Variants in RTN4 observed in about 807,000 individuals in gnomAD.
RTN4 encodes reticulon 4.
In RTN4, 32 loss-of-function variants were observed where a neutral mutation model predicts 90.4. The ratio of observed to expected loss-of-function variants is 0.35; its 90% confidence interval spans 0.27 to 0.48. The LOEUF is 0.48. Among genes scored for constraint, RTN4 ranks in the 20% least tolerant of loss-of-function variants. RTN4 has a pLI of 0.99. For synonymous variants in RTN4, 629 were observed against 552.5 expected (o/e 1.14, Z -1.94); for missense variants, 1,706 against 1,430.2 (o/e 1.19, Z -3.11).
At chr2:55,113,009 G>T (rs1668065278), upstream of RTN4, among the ~76,000 whole-genome samples, 1 of 152,216 alleles carries the variant, frequency 6.6e-6, no homozygotes, top group Non-Finnish European at 1.5e-5. Context: ...ATCAACGTGA[G>T]CAACTGGGAG....
At chr2:55,073,827 A>G (rs1172641570) in intron 2 of RTN4, among the ~76,000 whole-genome samples, 1 of 152,186 alleles carries the variant, frequency 6.6e-6, no homozygotes, top group African/African-American at 2.4e-5. Context: ...AGGCAAAGAG[A>G]CGTATAAACT....
At chr2:55,070,966 T>C (rs962354218) in intron 2 of RTN4, among the ~76,000 whole-genome samples, 3 of 151,796 alleles carry the variant, frequency 2.0e-5, no homozygotes, top group Non-Finnish European at 2.9e-5. Flanking sequence ...TTATTAGAGA[T>C]GGGGTTTCAC....
At chr2:55,029,572 A>G (rs1682155775) in intron 1 of RTN4, among the ~76,000 whole-genome samples, 1 of 152,204 alleles carries the variant, frequency 6.6e-6, no homozygotes, top group African/African-American at 2.4e-5. Flanking sequence ...AACAGATAAA[A>G]ATCCAAGAAA....
chr2:54,974,605 T>C (rs1418734670), intron 6 of RTN4, 90 bp downstream of exon 6: 1 of 1,094,930 alleles, frequency 9.1e-7, no homozygotes. Context: ...CTACTTTTCA[T>C]ACAATGAGAA....
At chr2:54,989,227 G>C (rs368735168) in intron 3 of RTN4, among the ~76,000 whole-genome samples, 2 of 152,182 alleles carry the variant, frequency 1.3e-5, no homozygotes, top group Non-Finnish European at 2.9e-5. Flanking sequence ...GCCCATCACT[G>C]TGTCCAGTAC....
At chr2:55,113,188 C>G (rs1028811920), upstream of RTN4, among the ~76,000 whole-genome samples, 3 of 152,188 alleles carry the variant, frequency 2.0e-5, no homozygotes, top group Non-Finnish European at 2.9e-5. Flanking sequence ...CAAAAGAAGC[C>G]CTCTCCTTTC....
At chr2:55,040,257 A>G (rs1200742109) in intron 1 of RTN4, among the ~76,000 whole-genome samples, 2 of 152,232 alleles carry the variant, frequency 1.3e-5, no homozygotes, top group Non-Finnish European at 2.9e-5. Context: ...TCAGAATTTG[A>G]TAAAATAAAA....
chr2:55,101,072 T>C (rs548238004), intron 1 of RTN4, among the ~76,000 whole-genome samples: 2 of 152,150 alleles, frequency 1.3e-5, no homozygotes, highest in East Asian at 1.9e-4. Context: ...AATCTTGACA[T>C]AGAAACATGA....
At chr2:55,015,164 T>C (rs1231335305) in intron 3 of RTN4, among the ~76,000 whole-genome samples, 1 of 152,096 alleles carries the variant, frequency 6.6e-6, no homozygotes, top group Non-Finnish European at 1.5e-5. Flanking sequence ...ACACCCGTAG[T>C]CTACAGTTGA....
chr2:55,083,133 A>G (rs1490585112), intron 1 of RTN4, among the ~76,000 whole-genome samples: 1 of 152,262 alleles, frequency 6.6e-6, no homozygotes, highest in African/African-American at 2.4e-5. Flanking sequence ...ATATGCAGCC[A>G]TTAAAAGTGA....
At chr2:55,091,983 T>C (rs1220538530) in intron 1 of RTN4, among the ~76,000 whole-genome samples, 1 of 152,032 alleles carries the variant, frequency 6.6e-6, no homozygotes. Context: ...TCCCACAACA[T>C]GTGGGAATTC....
intron 2 of RTN4, among the ~76,000 whole-genome samples, chr2:55,064,707 G>A (rs1400507368): frequency 1.3e-5 from 2 of 152,140 alleles, no homozygotes; most frequent in South Asian, 4.2e-4. Flanking sequence ...CAAAAATACC[G>A]AGACTGTGAA....
intron 1 of RTN4, among the ~76,000 whole-genome samples, chr2:55,108,669 C>T (rs573102897): frequency 1.2e-4 from 18 of 152,238 alleles, no homozygotes; most frequent in Non-Finnish European, 2.1e-4. Flanking sequence ...TTACCCACCT[C>T]TCCTCTCTTA....
intron 1 of RTN4, among the ~76,000 whole-genome samples, chr2:55,092,344 T>C (rs1668954810): frequency 6.6e-6 from 1 of 151,704 alleles, no homozygotes; most frequent in African/African-American, 2.4e-5. Flanking sequence ...CAAGCAATTC[T>C]CCTGCCTCAG....
At chr2:54,994,112 G>A (rs1163050783) in intron 3 of RTN4, among the ~76,000 whole-genome samples, 1 of 152,214 alleles carries the variant, frequency 6.6e-6, no homozygotes, top group Non-Finnish European at 1.5e-5. Flanking sequence ...TAGGAGGAAT[G>A]TATAGAACTT....
chr2:55,050,197 TCCTCGTCCTCGGGCTC>T lies in RTN4; in HGVS notation c.88_103del (p.Glu30ArgfsTer44). The T allele has an allele frequency of 1.3e-6, 2 of 1,569,934 alleles. No individual in the cohort carries two copies. The highest frequency in any genetic ancestry group is 8.6e-7 in the Non-Finnish European group (1 of 1,162,576). On this transcript the variant is annotated frameshift_variant, in exon 1 of 9. Coordinates refer to ENST00000337526, the MANE Select transcript of RTN4 (RefSeq NM_020532.5). LOFTEE classifies it high-confidence loss of function. This position sits in a 1 kb window ranked among gnomAD's most constrained non-coding sequence, Gnocchi z 4.6. Reference sequence around the variant, plus strand: ...CTCCTCTTCCTCCTCCTCTTCTTCCTCCTCGTCCTCGGGCTCCCTCACGAACTGGTACTTGAACGCG... The same window carrying T: ...CTCCTCTTCCTCCTCCTCTTCTTCCTCCTCACGAACTGGTACTTGAACGCG...
rs1490357198 is a variant in RTN4, at chr2:55,025,859, A to G, written c.2240T>C (p.Leu747Ser). Residue 747 changes from leucine (L) to serine (S), a missense_variant, in exon 3 of 9, where the codon TTA (leucine) becomes TCA (serine). Coordinates refer to ENST00000337526, the MANE Select transcript of RTN4 (RefSeq NM_020532.5). ...GTCAGGTATTGAATCATCACTAAAT[A>G]AGTCAACTGGTTCAGAATCAGGTGA... ...DSSPDSEPVDLFSDDSIPDVP... is the reference protein window; with the variant it reads ...DSSPDSEPVDSFSDDSIPDVP... The G allele has an allele frequency of 6.2e-7, 1 of 1,613,666 alleles. No individual in the cohort carries two copies. The highest frequency in any genetic ancestry group is 1.7e-5 in the Admixed American group (1 of 59,930).
intron 1 of RTN4, among the ~76,000 whole-genome samples, chr2:55,039,018 A>G (rs750069488): frequency 2.6e-5 from 4 of 152,252 alleles, no homozygotes; most frequent in Non-Finnish European, 4.4e-5. Flanking sequence ...TTCCATTCAT[A>G]TGATTGATGC....
chr2:55,069,768 G>A (rs746084509), intron 2 of RTN4, among the ~76,000 whole-genome samples: 3 of 152,282 alleles, frequency 2.0e-5, no homozygotes, highest in East Asian at 1.9e-4. Context: ...CAATGTCCAC[G>A]AAGTTCAGTG....
Sources: allele counts gnomAD v4.1 joint callset (sites outside exome capture counted in the v4.1 genomes callset), GRCh38; gene constraint gnomAD v4.1.1; non-coding constraint Gnocchi (gnomAD v3.1); transcripts MANE v1.5; gene names NCBI Gene and HGNC (gene_info 2026-07-23, HGNC 2026-07-21).